Variants in ANKS1B observed in about 807,000 individuals in gnomAD.
The protein encoded by ANKS1B is ankyrin repeat and sterile alpha motif domain-containing protein 1B.
ANKS1B carries 36 observed loss-of-function variants against 148.3 expected under a neutral mutation model. The ratio of observed to expected loss-of-function variants is 0.24; its 90% CI spans 0.19 to 0.32. The LOEUF is 0.32. Among genes scored for constraint, ANKS1B ranks in the 10% least tolerant of loss-of-function variants. The pLI is 1.00. For synonymous variants in ANKS1B, 542 were observed against 560.8 expected (o/e 0.97, Z 0.47); for missense variants, 1,157 against 1,542.6 (o/e 0.75, Z 4.19).
At chr12:98,870,596 A>G (rs1445839032) in intron 17 of ANKS1B, among the ~76,000 whole-genome samples, 1 of 152,238 alleles carries the variant, frequency 6.6e-6, no homozygotes, top group Non-Finnish European at 1.5e-5. Context: ...AGCCCCTGCT[A>G]TTCCACCTCA....
chr12:99,906,051 C>A (rs2093768054), intron 1 of ANKS1B, among the ~76,000 whole-genome samples: 1 of 152,128 alleles, frequency 6.6e-6, no homozygotes, highest in Non-Finnish European at 1.5e-5. Context: ...AAGATCTAAA[C>A]CAGCGGTTTC....
chr12:99,675,776 A>C (rs115685136), intron 8 of ANKS1B, among the ~76,000 whole-genome samples: 2,919 of 152,216 alleles, frequency 0.019, 105 homozygotes, highest in African/African-American at 0.066. Flanking sequence ...TAACCATAGA[A>C]AATAATTAAA....
intron 8 of ANKS1B, among the ~76,000 whole-genome samples, chr12:99,719,424 A>G (rs2057823472): frequency 6.6e-6 from 1 of 151,332 alleles, no homozygotes; most frequent in Admixed American, 6.6e-5. Flanking sequence ...CCTGACATTC[A>G]CTCCATTTTC....
At chr12:99,471,758 A>G (rs776089184) in intron 10 of ANKS1B, among the ~76,000 whole-genome samples, 2 of 151,942 alleles carry the variant, frequency 1.3e-5, no homozygotes, top group Non-Finnish European at 2.9e-5. Context: ...TGTTGCTGCT[A>G]CTCTTCCAAA....
At chr12:99,795,994 A>G (rs2066204845) in intron 4 of ANKS1B, among the ~76,000 whole-genome samples, 1 of 152,034 alleles carries the variant, frequency 6.6e-6, no homozygotes, top group Admixed American at 6.6e-5. Flanking sequence ...TTTCTTTAGT[A>G]AGTCAAGAAC....
At chr12:99,437,598 CT>C (rs1197937906) in intron 11 of ANKS1B, among the ~76,000 whole-genome samples, 17 of 151,972 alleles carry the variant, frequency 1.1e-4, no homozygotes, top group African/African-American at 3.9e-4. Flanking sequence ...AAAAACCCAT[CT>C]AGCTAAAACC....
chr12:99,931,690 A>T (rs2094620379), intron 1 of ANKS1B, among the ~76,000 whole-genome samples: 1 of 152,168 alleles, frequency 6.6e-6, no homozygotes, highest in South Asian at 2.1e-4. Context: ...GTACATGAGA[A>T]ATTTTGATAC....
rs185750680 is a variant in ANKS1B, at chr12:98,794,960, A to G, written c.3342+3974T>C. 8.6e-6 allele frequency: 10 copies of G among 1,165,322 alleles called. No individual in the cohort carries two copies. The East Asian group carries it at 2.1e-4, about 25-fold the overall frequency. 72.2% of individuals were successfully genotyped at this position (1,165,322 alleles called of 1,614,324 possible). On this transcript the variant is annotated intron_variant, in intron 22 of 26. Transcript: ENST00000683438. ...CTACAAGAGGATGTGGACATGGAAGATGCTTCTTAAAAATCTCTGTAACCA... is the reference window on the plus strand; with the variant it reads ...CTACAAGAGGATGTGGACATGGAAGGTGCTTCTTAAAAATCTCTGTAACCA...
intron 14 of ANKS1B, among the ~76,000 whole-genome samples, chr12:99,194,932 C>CGGTG (rs1436141283): frequency 1.3e-5 from 2 of 151,748 alleles, no homozygotes; most frequent in Non-Finnish European, 2.9e-5. Context: ...TTCATAACAC[C>CGGTG]ATTTTCTTTA....
intron 17 of ANKS1B, among the ~76,000 whole-genome samples, chr12:99,028,804 T>A (rs1463007430): frequency 6.6e-6 from 1 of 152,224 alleles, no homozygotes; most frequent in East Asian, 1.9e-4. Flanking sequence ...CTGGCTCCTT[T>A]TTCATGGTCA....
At chr12:99,050,992 T>C (rs1255489976) in intron 17 of ANKS1B, among the ~76,000 whole-genome samples, 1 of 152,028 alleles carries the variant, frequency 6.6e-6, no homozygotes, top group South Asian at 2.1e-4. Flanking sequence ...CCACCACGCC[T>C]GACTAGAAAA....
chr12:98,777,027 C>CA (rs2098685670), intron 24 of ANKS1B, among the ~76,000 whole-genome samples: 1 of 152,068 alleles, frequency 6.6e-6, no homozygotes, highest in African/African-American at 2.4e-5. Context: ...CCCATCACTC[C>CA]AAAAAAACTT....
intron 14 of ANKS1B, among the ~76,000 whole-genome samples, chr12:99,209,658 A>C (rs957370656): frequency 6.6e-6 from 1 of 152,180 alleles, no homozygotes; most frequent in Non-Finnish European, 1.5e-5. Context: ...CAAGGATGAG[A>C]ACTTGATGAT....
At chr12:99,391,640 A>C (rs2094074563) in intron 12 of ANKS1B, among the ~76,000 whole-genome samples, 1 of 152,180 alleles carries the variant, frequency 6.6e-6, no homozygotes, top group Non-Finnish European at 1.5e-5. Flanking sequence ...TATATCAACT[A>C]ATTTCATTTG....
chr12:99,637,603 AAAG>A (rs2098251442), intron 9 of ANKS1B, among the ~76,000 whole-genome samples: 1 of 151,998 alleles, frequency 6.6e-6, no homozygotes, highest in African/African-American at 2.4e-5. Flanking sequence ...AAGAACGTGA[AAAG>A]AATATGCTGG....
At chr12:99,935,578 G>A (rs1380643682) in intron 1 of ANKS1B, among the ~76,000 whole-genome samples, 2 of 152,050 alleles carry the variant, frequency 1.3e-5, no homozygotes, top group Non-Finnish European at 2.9e-5. Context: ...TTTTAAGACA[G>A]ACACTCACCC....
At chr12:99,101,209 G>A (rs979725739) in intron 15 of ANKS1B, among the ~76,000 whole-genome samples, 9 of 152,264 alleles carry the variant, frequency 5.9e-5, no homozygotes, top group South Asian at 4.1e-4. Flanking sequence ...GTTGTTTTAT[G>A]CCTGGAAGGG....
chr12:99,367,602 G>C (rs1189194291), intron 12 of ANKS1B, among the ~76,000 whole-genome samples: 2 of 152,162 alleles, frequency 1.3e-5, no homozygotes, highest in Non-Finnish European at 2.9e-5. Context: ...GCTGTAAAAG[G>C]CTGCAAGTAA....
intron 15 of ANKS1B, among the ~76,000 whole-genome samples, chr12:99,126,465 T>C (rs1056210689): frequency 1.3e-5 from 2 of 152,162 alleles, no homozygotes; most frequent in African/African-American, 4.8e-5. Context: ...CCGTAAAATA[T>C]TCATTTCTTT....
Sources: gnomAD v4.1 joint callset for allele counts (sites outside exome capture counted in the v4.1 genomes callset) on GRCh38, gnomAD v4.1.1 for gene constraint, MANE v1.5 for transcripts, NCBI Gene and HGNC (gene_info 2026-07-23, HGNC 2026-07-21) for gene names.